Variants in C8orf34 observed in about 807,000 individuals in gnomAD.
C8orf34 encodes uncharacterized protein C8orf34.
Under a neutral mutation model 68.3 loss-of-function variants are expected in C8orf34, and 65 were observed. The observed-to-expected ratio is 0.95, with a 90% CI of 0.78 to 1.17. The LOEUF (loss-of-function observed/expected upper bound fraction) is 1.17. C8orf34 is among the 50% of genes most tolerant of loss of function. The probability of loss-of-function intolerance (pLI) is 0.00; values close to 1 mark genes in which losing one functional copy is unlikely to be tolerated. For synonymous variants in C8orf34, 244 were observed against 241.2 expected (o/e 1.01, Z -0.11); for missense variants, 664 against 655.4 (o/e 1.01, Z -0.14).
intron 8 of C8orf34, among the ~76,000 whole-genome samples, chr8:68,660,260 G>A (rs770615763): frequency 5.9e-5 from 9 of 152,060 alleles, no homozygotes; most frequent in Non-Finnish European, 8.8e-5. Flanking sequence ...CTAGAAAGAG[G>A]GGAACAAGCT....
At position 68,536,418 on chromosome 8, in the gene C8orf34, TA is replaced by T. The variant is rs574821001; in HGVS notation, c.1105+3270del. ...GAAAAGATCTATAAAAATCCCTGTA[TA>T]TTTTACTACATTAATTATCAGAGAA... On this transcript the variant is annotated intron_variant, in intron 7 of 13. Transcript: ENST00000518698. 6.4e-4 allele frequency among the ~76,000 whole-genome samples: 94 copies of T among 147,506 alleles called. 1 individual carries two copies. The South Asian group carries it at 0.019, about 30-fold the overall frequency.
At chr8:68,776,248 T>C (rs1823514039) in intron 10 of C8orf34, 151 bp from the exon 11 acceptor site, 1 of 630,078 alleles carries the variant, frequency 1.6e-6, no homozygotes, top group African/African-American at 1.9e-5. Flanking sequence ...AGTAAGAAGT[T>C]GGCAAACTAA....
chr8:68,651,802 A>G (rs765619337), intron 8 of C8orf34, among the ~76,000 whole-genome samples: 1 of 152,300 alleles, frequency 6.6e-6, no homozygotes, highest in South Asian at 2.1e-4. Flanking sequence ...ATTGGGTACA[A>G]TAGTCACCAT....
chr8:68,795,574 T>C (rs1824156431), intron 12 of C8orf34, among the ~76,000 whole-genome samples: 1 of 152,214 alleles, frequency 6.6e-6, no homozygotes, highest in Non-Finnish European at 1.5e-5. Flanking sequence ...CCTGTTGTAC[T>C]CAGCCATTGA....
At chr8:68,467,956 C>A (rs1812221201) in intron 3 of C8orf34, among the ~76,000 whole-genome samples, 1 of 151,930 alleles carries the variant, frequency 6.6e-6, no homozygotes, top group African/African-American at 2.4e-5. Flanking sequence ...CTGTGCCCGA[C>A]ATTTAATGGG....
rs111573675 is a variant in C8orf34, at chr8:68,674,341, G to T, written c.1241+33830G>T. ...ATGAGCAATCTTGGAGAGAGAGAGA[G>T]ATATGATCTTTCAGACAAAGAATTT... On this transcript the variant is annotated intron_variant, in intron 8 of 13. Transcript: ENST00000518698. Among the ~76,000 whole-genome samples the T allele has an allele frequency of 1.6e-3, 251 of 152,228 alleles. 1 individual carries two copies. Among genetic ancestry groups the T allele is most frequent in the African/African-American group, 5.8e-3 (241 of 41,546 alleles).
At chr8:68,343,131 G>T (rs190134019) in intron 1 of C8orf34, among the ~76,000 whole-genome samples, 3 of 152,190 alleles carry the variant, frequency 2.0e-5, no homozygotes, top group Non-Finnish European at 2.9e-5. Flanking sequence ...TAATCTAAAT[G>T]CAATTAGAAA....
At chr8:68,702,840 G>A (rs1821058670) in intron 8 of C8orf34, among the ~76,000 whole-genome samples, 2 of 152,182 alleles carry the variant, frequency 1.3e-5, no homozygotes, top group Non-Finnish European at 2.9e-5. Flanking sequence ...TTCTCTTACT[G>A]TTTGTATTAT....
intron 9 of C8orf34, among the ~76,000 whole-genome samples, chr8:68,711,971 G>T (rs1299706626): frequency 6.6e-6 from 1 of 152,164 alleles, no homozygotes; most frequent in Non-Finnish European, 1.5e-5. Context: ...AAACCTATCA[G>T]ATTAATAGCA....
chr8:68,430,104 T>C (rs1447642792), intron 1 of C8orf34, among the ~76,000 whole-genome samples: 1 of 152,074 alleles, frequency 6.6e-6, no homozygotes, highest in Non-Finnish European at 1.5e-5. Flanking sequence ...GGAGAGAGGC[T>C]GGAGATTGAG....
At chr8:68,597,281 A>G (rs1400496826) in intron 7 of C8orf34, among the ~76,000 whole-genome samples, 3 of 152,056 alleles carry the variant, frequency 2.0e-5, no homozygotes, top group Non-Finnish European at 2.9e-5. Context: ...GGTGGGTCAC[A>G]TGCGCATTCT....
At chr8:68,662,458 G>A (rs2130813999) in intron 8 of C8orf34, among the ~76,000 whole-genome samples, 1 of 152,256 alleles carries the variant, frequency 6.6e-6, no homozygotes. Flanking sequence ...CCAGGTGGAG[G>A]TAATTGAATC....
intron 4 of C8orf34, among the ~76,000 whole-genome samples, chr8:68,476,203 A>G (rs1395902757): frequency 6.6e-6 from 1 of 152,242 alleles, no homozygotes; most frequent in Non-Finnish European, 1.5e-5. Context: ...AACACGTGGA[A>G]CTAGACTTCA....
chr8:68,455,805 G>A (rs143968892), intron 3 of C8orf34, among the ~76,000 whole-genome samples: 198 of 151,846 alleles, frequency 1.3e-3, no homozygotes, highest in African/African-American at 4.3e-3. Context: ...CTAAAATATT[G>A]CCTGGAATAA....
chr8:68,739,408 T>TCAATATACAAAATA (rs1822216585), intron 10 of C8orf34, among the ~76,000 whole-genome samples: 1 of 151,590 alleles, frequency 6.6e-6, no homozygotes, highest in African/African-American at 2.4e-5. Flanking sequence ...GGATACAAAA[T>TCAATATACAAAATA]CAATGTACAA....
Position 68,508,091 on chromosome 8 carries a change from C to T in C8orf34, c.766-13708C>T, listed in dbSNP as rs1814104167. ...ATCTTAAACTATTTGTCTGGAAAGA[C>T]CAGAGATAAGAAACTCATCCAGACT... On this transcript the variant is annotated intron_variant, in intron 5 of 13. Coordinates refer to ENST00000518698, the MANE Select transcript of C8orf34 (RefSeq NM_052958.4). 2.0e-5 allele frequency among the ~76,000 whole-genome samples: 3 copies of T among 152,110 alleles called. No individual in the cohort carries two copies. In the South Asian group the frequency reaches 6.2e-4, roughly 32 times the overall value.
chr8:68,504,299 T>C (rs1813906967), intron 5 of C8orf34, among the ~76,000 whole-genome samples: 1 of 152,230 alleles, frequency 6.6e-6, no homozygotes, highest in African/African-American at 2.4e-5. Context: ...TATTCCATTG[T>C]AGGGGTATGC....
chr8:68,805,145 G>A (rs1392928664), intron 12 of C8orf34, among the ~76,000 whole-genome samples: 1 of 152,168 alleles, frequency 6.6e-6, no homozygotes, highest in African/African-American at 2.4e-5. Context: ...TCTAAGTCCA[G>A]CTTTGTTTTC....
At chr8:68,489,368 G>T (rs112789971) in intron 5 of C8orf34, among the ~76,000 whole-genome samples, 1 of 152,142 alleles carries the variant, frequency 6.6e-6, no homozygotes, top group Non-Finnish European at 1.5e-5. Context: ...TATTGTACAG[G>T]TTGCATACAC....
Sources: allele counts gnomAD v4.1 joint callset (sites outside exome capture counted in the v4.1 genomes callset), GRCh38; gene constraint gnomAD v4.1.1; transcripts MANE v1.5; gene names NCBI Gene and HGNC (gene_info 2026-07-23, HGNC 2026-07-21).